The following RAB38 variants were observed in gnomAD, a reference collection of about 807,000 sequenced individuals.
RAB38 encodes the protein RAB38, member RAS oncogene family.
RAB38 carries 15 observed loss-of-function variants against 18.4 expected under a neutral mutation model. The ratio of observed to expected loss-of-function variants is 0.82; its 90% CI spans 0.55 to 1.26. RAB38 has a LOEUF of 1.26. RAB38 is among the 50% of genes most tolerant of loss of function. The pLI, the probability that RAB38 is intolerant of heterozygous loss-of-function variation, is 0.00. For missense variants in RAB38, 294 were observed against 267.4 expected (o/e 1.10, Z -0.69); for synonymous variants, 101 against 104.4 (o/e 0.97, Z 0.20).
chr11:87,888,804 C>T, the RAB38 span, among the ~76,000 whole-genome samples: 1 of 151,886 alleles, frequency 6.6e-6, no homozygotes, highest in Non-Finnish European at 1.5e-5. Context: ...TTCTCACACA[C>T]GTAGCCCAAT....
At chr11:88,108,069 C>T in the RAB38 span, among the ~76,000 whole-genome samples, 2 of 151,954 alleles carry the variant, frequency 1.3e-5, no homozygotes, top group Non-Finnish European at 2.9e-5. Context: ...ATAAGTGCAA[C>T]GTGGTGCTAA....
the RAB38 span, among the ~76,000 whole-genome samples, chr11:87,947,710 A>AC: frequency 6.6e-6 from 1 of 152,046 alleles, no homozygotes; most frequent in Non-Finnish European, 1.5e-5. Flanking sequence ...GATGTGTGGT[A>AC]TTATTTGAGG....
At chr11:87,829,548 G>A in the RAB38 span, among the ~76,000 whole-genome samples, 565 of 152,124 alleles carry the variant, frequency 3.7e-3, 2 homozygotes, top group African/African-American at 0.013. Context: ...TAAAACCATC[G>A]GATCTTGTGA....
chr11:87,951,248 A>C, the RAB38 span, among the ~76,000 whole-genome samples: 1 of 151,916 alleles, frequency 6.6e-6, no homozygotes. Context: ...AGGTCCTTTA[A>C]GGACTTCTCC....
chr11:87,949,582 A>G, the RAB38 span, among the ~76,000 whole-genome samples: 14 of 152,268 alleles, frequency 9.2e-5, no homozygotes, highest in East Asian at 2.1e-3. Context: ...AGATTGTGGT[A>G]TGTTGTATCT....
At chr11:88,036,152 G>A in the RAB38 span, among the ~76,000 whole-genome samples, 1 of 151,982 alleles carries the variant, frequency 6.6e-6, no homozygotes, top group Non-Finnish European at 1.5e-5. Context: ...CAGTTAAGCT[G>A]GATTCTGGAT....
At chr11:87,896,983 T>C in the RAB38 span, among the ~76,000 whole-genome samples, 3 of 151,698 alleles carry the variant, frequency 2.0e-5, no homozygotes, top group African/African-American at 7.3e-5. Flanking sequence ...TCCTTATACA[T>C]TTTTCACTAA....
At chr11:87,928,906 G>A in the RAB38 span, among the ~76,000 whole-genome samples, 1 of 152,070 alleles carries the variant, frequency 6.6e-6, no homozygotes. Flanking sequence ...TTTGAGATCA[G>A]GAGTTCAAGA....
the RAB38 span, among the ~76,000 whole-genome samples, chr11:88,105,567 C>T: frequency 6.6e-6 from 1 of 152,142 alleles, no homozygotes; most frequent in Non-Finnish European, 1.5e-5. Context: ...CTTCATTTCT[C>T]CCTGCCTTTC....
chr11:88,169,195 A>G lies in RAB38; in HGVS notation c.202+5988T>C, dbSNP rs1943279910. On this transcript the variant is annotated intron_variant, in intron 1 of 2. Coordinates refer to ENST00000243662, the MANE Select transcript of RAB38 (RefSeq NM_022337.3). ...AAGAGAAAAGATGGCAGAGGTTTCA[A>G]GCCTAAGTAACTGGGGGTAAGGTAT... Among the ~76,000 whole-genome samples, 3 of 152,328 alleles carry G rather than the reference A, an allele frequency of 2.0e-5. No homozygotes were observed. The South Asian group carries it at 6.2e-4, about 32-fold the overall frequency.
At chr11:87,818,896 G>A in the RAB38 span, among the ~76,000 whole-genome samples, 1 of 152,050 alleles carries the variant, frequency 6.6e-6, no homozygotes, top group Non-Finnish European at 1.5e-5. Context: ...CTCAATTTGT[G>A]ATTTACCATT....
chr11:88,134,521 G>A (rs2134800905), intron 2 of RAB38, among the ~76,000 whole-genome samples: 1 of 152,306 alleles, frequency 6.6e-6, no homozygotes, highest in South Asian at 2.1e-4. Context: ...GGGATTACAG[G>A]CGTGAGCCAC....
the RAB38 span, among the ~76,000 whole-genome samples, chr11:87,877,785 GC>G: frequency 4.6e-5 from 7 of 151,316 alleles, no homozygotes; most frequent in Non-Finnish European, 8.9e-5. Flanking sequence ...CATTTTCATG[GC>G]TGAAATTCTC....
At chr11:88,035,425 A>T in the RAB38 span, among the ~76,000 whole-genome samples, 4 of 152,170 alleles carry the variant, frequency 2.6e-5, no homozygotes, top group East Asian at 7.7e-4. Flanking sequence ...GAGGGACATA[A>T]CTAATAGGAT....
At chr11:88,095,088 T>C in the RAB38 span, among the ~76,000 whole-genome samples, 1 of 151,918 alleles carries the variant, frequency 6.6e-6, no homozygotes, top group Admixed American at 6.6e-5. Flanking sequence ...TCTTGCACCA[T>C]TAATTTTTCA....
At chr11:87,877,966 G>A in the RAB38 span, among the ~76,000 whole-genome samples, 1 of 151,090 alleles carries the variant, frequency 6.6e-6, no homozygotes, top group Non-Finnish European at 1.5e-5. Context: ...TAGGCACTAA[G>A]CGTGCCTGAC....
At chr11:87,913,238 G>A in the RAB38 span, among the ~76,000 whole-genome samples, 56 of 152,110 alleles carry the variant, frequency 3.7e-4, no homozygotes, top group African/African-American at 1.3e-3. Context: ...CAAGTCTTCT[G>A]TGTCTTTATT....
chr11:87,863,914 C>T, the RAB38 span, among the ~76,000 whole-genome samples: 1 of 151,654 alleles, frequency 6.6e-6, no homozygotes. Flanking sequence ...GAGTGCTGCC[C>T]CATGGGCTAA....
the RAB38 span, among the ~76,000 whole-genome samples, chr11:87,926,801 C>T: frequency 4.4e-4 from 67 of 152,076 alleles, no homozygotes; most frequent in African/African-American, 1.3e-3. Context: ...TGAAGATGAC[C>T]GCAGCACTGA....
Sources: gnomAD v4.1 joint callset for allele counts (sites outside exome capture counted in the v4.1 genomes callset) on GRCh38, gnomAD v4.1.1 for gene constraint, MANE v1.5 for transcripts, NCBI Gene and HGNC (gene_info 2026-07-23, HGNC 2026-07-21) for gene names.